BICC1: variants seen among roughly 807,000 people sequenced by gnomAD.
BICC1 encodes the protein protein bicaudal C homolog 1.
In BICC1, 43 loss-of-function variants were observed where a neutral mutation model predicts 111.0. The observed-to-expected ratio is 0.39, with a 90% CI of 0.30 to 0.50. The LOEUF is 0.50. BICC1 is among the 20% of genes least tolerant of loss of function. The probability of loss-of-function intolerance (pLI) is 0.88; values close to 1 mark genes in which losing one functional copy is unlikely to be tolerated. For missense variants in BICC1, 1,091 were observed against 1,203.2 expected (o/e 0.91, Z 1.38); for synonymous variants, 467 against 434.4 (o/e 1.07, Z -0.93).
At chr10:58,571,822 CAG>C (rs1843960646) in intron 1 of BICC1, among the ~76,000 whole-genome samples, 1 of 152,032 alleles carries the variant, frequency 6.6e-6, no homozygotes, top group Non-Finnish European at 1.5e-5. Context: ...GTTTTTATAA[CAG>C]AACGATTTAT....
chr10:58,779,343 C>T, intron 3 of BICC1, among the ~76,000 whole-genome samples: 1 of 152,198 alleles, frequency 6.6e-6, no homozygotes, highest in East Asian at 1.9e-4. Flanking sequence ...TCAGGAAATG[C>T]CACTGGGGTG....
At chr10:58,527,461 A>C (rs1263468887) in intron 1 of BICC1, among the ~76,000 whole-genome samples, 1 of 152,020 alleles carries the variant, frequency 6.6e-6, no homozygotes, top group Non-Finnish European at 1.5e-5. Context: ...TTTTGTTGCC[A>C]TTGCTTTTTG....
At position 58,579,887 on chromosome 10, in the gene BICC1, G is replaced by T. The variant is rs1844227272; in HGVS notation, c.191-40968G>T. On this transcript the variant is annotated intron_variant, in intron 1 of 20. Coordinates refer to ENST00000373886, the MANE Select transcript of BICC1 (RefSeq NM_001080512.3). ...TGGATTATTCATTTTTTCCATAATA[G>T]AATATATACTCTAGCTTACTCTCAG... Among the ~76,000 whole-genome samples, 4 of 1,934 alleles carry T rather than the reference G, an allele frequency of 2.1e-3. No homozygotes were observed. The South Asian group carries it at 0.25, about 121-fold the overall frequency. The allele number at this position is 1,934 out of a possible 152,430, so 1.3% of individuals were successfully genotyped here. A position where few individuals can be genotyped will look rare whatever the true frequency, so the allele number is the denominator to read the frequency against.
intron 3 of BICC1, among the ~76,000 whole-genome samples, chr10:58,756,626 CTT>C (rs66709538): frequency 2.9e-5 from 4 of 135,920 alleles, no homozygotes; most frequent in African/African-American, 1.2e-4. Flanking sequence ...AACTACTAGC[CTT>C]TTTTTTTTTT....
At chr10:58,621,837 G>T (rs1481619413) in intron 2 of BICC1, among the ~76,000 whole-genome samples, 7 of 151,926 alleles carry the variant, frequency 4.6e-5, no homozygotes, top group Non-Finnish European at 8.8e-5. Context: ...GACAGAGGTT[G>T]CAGTGAGCTG....
At chr10:58,700,398 G>A (rs1032973952) in intron 2 of BICC1, among the ~76,000 whole-genome samples, 1 of 152,018 alleles carries the variant, frequency 6.6e-6, no homozygotes, top group African/African-American at 2.4e-5. Flanking sequence ...AGTTGAGAAA[G>A]ATAACATTTT....
chr10:58,613,754 C>G (rs1845512214), intron 1 of BICC1, among the ~76,000 whole-genome samples: 1 of 152,092 alleles, frequency 6.6e-6, no homozygotes, highest in South Asian at 2.1e-4. Context: ...GTGAAAAACT[C>G]TCTGGGAAAG....
At position 58,787,021 on chromosome 10, in the gene BICC1, C is replaced by T. The variant is rs766952797; in HGVS notation, c.486C>T (p.Thr162=). 17 of 1,606,750 alleles carry T rather than the reference C, an allele frequency of 1.1e-5. No homozygotes were observed. Among genetic ancestry groups the T allele is most frequent in the Middle Eastern group, 1.7e-4 (1 of 6,038 alleles). The change falls in exon 5 of 21, where the codon ACC becomes ACT. Residue 162 remains threonine (T), a synonymous_variant. Transcript: ENST00000373886. ...ATATTAAAAAAGTGATGGAAGAAAC[C>T]GGATGCCATATCCACTTTCCAGATT... ...GNNIKKVMEE[T]GCHIHFPDSN...
chr10:58,771,674 G>A (rs1842626230), intron 3 of BICC1, among the ~76,000 whole-genome samples: 1 of 152,088 alleles, frequency 6.6e-6, no homozygotes, highest in Non-Finnish European at 1.5e-5. Context: ...GAAATTATAG[G>A]ACATTTTGGT....
intron 3 of BICC1, among the ~76,000 whole-genome samples, chr10:58,750,025 T>A (rs1841941144): frequency 6.6e-6 from 1 of 152,140 alleles, no homozygotes; most frequent in South Asian, 2.1e-4. Context: ...GAGGACCTGG[T>A]GTTTGACATG....
At chr10:58,562,749 A>G (rs912358270) in intron 1 of BICC1, among the ~76,000 whole-genome samples, 1 of 13,208 alleles carries the variant, frequency 7.6e-5, no homozygotes, top group Non-Finnish European at 2.6e-4. Context: ...TTTTGTAAGG[A>G]TAATTTTTTT....
chr10:58,566,175 TAC>T (rs1437332505), intron 1 of BICC1, among the ~76,000 whole-genome samples: 1 of 151,494 alleles, frequency 6.6e-6, no homozygotes, highest in Non-Finnish European at 1.5e-5. Flanking sequence ...TATATACATA[TAC>T]ACACGTGTGT....
At chr10:58,523,389 C>A (rs1262201711) in intron 1 of BICC1, among the ~76,000 whole-genome samples, 1 of 152,202 alleles carries the variant, frequency 6.6e-6, no homozygotes, top group Admixed American at 6.5e-5. Context: ...GGATTCAAGG[C>A]TGGTTTAACA....
intron 4 of BICC1, 141 bp from the exon 5 acceptor site, chr10:58,786,782 T>C (rs1264838047): frequency 1.5e-5 from 7 of 453,990 alleles, no homozygotes; most frequent in East Asian, 3.6e-5. Context: ...AGAACACTTA[T>C]AGATTAAGAT....
chr10:58,595,738 C>G (rs181573818), intron 1 of BICC1, among the ~76,000 whole-genome samples: 1 of 152,092 alleles, frequency 6.6e-6, no homozygotes, highest in African/African-American at 2.4e-5. Flanking sequence ...AATTTTATAG[C>G]ACTATGGCCA....
intron 2 of BICC1, among the ~76,000 whole-genome samples, chr10:58,637,682 T>C (rs1048217784): frequency 6.6e-6 from 1 of 152,272 alleles, no homozygotes; most frequent in Non-Finnish European, 1.5e-5. Context: ...TTCATCTTTA[T>C]TGTTATGAAA....
chr10:58,698,653 G>T (rs537508959), intron 2 of BICC1, among the ~76,000 whole-genome samples: 87 of 152,176 alleles, frequency 5.7e-4, no homozygotes, highest in Non-Finnish European at 9.6e-4. Flanking sequence ...GTTTGCTGTT[G>T]TATCCCTAGT....
intron 2 of BICC1, among the ~76,000 whole-genome samples, chr10:58,653,029 C>T (rs73292297): frequency 0.046 from 6,985 of 152,076 alleles, 532 homozygotes; most frequent in African/African-American, 0.16. Flanking sequence ...TAATCACCAA[C>T]GTAAGAGACA....
chr10:58,678,685 C>A (rs1427922032), intron 2 of BICC1, among the ~76,000 whole-genome samples: 1 of 152,142 alleles, frequency 6.6e-6, no homozygotes, highest in South Asian at 2.1e-4. Context: ...ACCAAGGAGA[C>A]CTAATAGACA....
Sources: gnomAD v4.1 joint callset for allele counts (sites outside exome capture counted in the v4.1 genomes callset) on GRCh38, gnomAD v4.1.1 for gene constraint, MANE v1.5 for transcripts, NCBI Gene and HGNC (gene_info 2026-07-23, HGNC 2026-07-21) for gene names.